The following GRM8 variants were observed in gnomAD, a reference collection of about 807,000 sequenced individuals.
GRM8 encodes the protein metabotropic glutamate receptor 8.
Under a neutral mutation model 87.2 loss-of-function variants are expected in GRM8, and 47 were observed. That is an observed-to-expected ratio of 0.54 (90% CI 0.43 to 0.69). The LOEUF (loss-of-function observed/expected upper bound fraction) is 0.69, where lower values mean the gene tolerates loss of function less well. Ranked by LOEUF, GRM8 falls within the 30% of genes least tolerant of loss-of-function variation. The pLI is 0.00. For synonymous variants in GRM8, 396 were observed against 404.5 expected, an observed-to-expected ratio of 0.98 and a Z score of 0.25; for missense variants, 1,019 against 1,139.2, an observed-to-expected ratio of 0.89 and a Z score of 1.52.
intron 1 of GRM8, among the ~76,000 whole-genome samples, chr7:127,246,494 T>A (rs912254098): frequency 6.6e-6 from 1 of 152,166 alleles, no homozygotes; most frequent in Non-Finnish European, 1.5e-5. Flanking sequence ...GGACAAATCC[T>A]CTCAGCACTA....
chr7:126,914,651 A>G (rs184507490), intron 3 of GRM8, among the ~76,000 whole-genome samples: 10 of 152,356 alleles, frequency 6.6e-5, no homozygotes, highest in Admixed American at 6.5e-4. Flanking sequence ...CATAATCCTA[A>G]GCAAATTAAT....
At chr7:126,446,077 T>A in intron 10 of GRM8, 49 bp downstream of exon 10, 1 of 1,607,056 alleles carries the variant, frequency 6.2e-7, no homozygotes, top group South Asian at 1.1e-5. Flanking sequence ...GTACATCTAT[T>A]AGGAAGTGCT....
intron 7 of GRM8, among the ~76,000 whole-genome samples, chr7:126,723,155 A>G (rs1012797512): frequency 6.6e-6 from 1 of 151,712 alleles, no homozygotes; most frequent in African/African-American, 2.4e-5. Context: ...GGCTGTAATA[A>G]CGCCCCTTTC....
chr7:126,646,294 G>GGAAA, intron 7 of GRM8, among the ~76,000 whole-genome samples: 1 of 147,428 alleles, frequency 6.8e-6, no homozygotes, highest in African/African-American at 2.6e-5. Flanking sequence ...AAGGAAGGAA[G>GGAAA]GAAGGAAGGA....
intron 8 of GRM8, among the ~76,000 whole-genome samples, chr7:126,571,159 C>T (rs915954819): frequency 1.3e-5 from 2 of 151,928 alleles, no homozygotes; most frequent in Admixed American, 6.6e-5. Flanking sequence ...TGTAATTATA[C>T]AAAATGTAAA....
intron 3 of GRM8, among the ~76,000 whole-genome samples, chr7:127,008,400 A>T (rs905684965): frequency 1.3e-5 from 2 of 152,110 alleles, no homozygotes; most frequent in African/African-American, 2.4e-5. Flanking sequence ...AAACATGCCA[A>T]ATGTCAACCA....
chr7:126,705,356 T>C lies in GRM8; in HGVS notation c.1357+64509A>G, dbSNP rs188247394. Reference sequence around the variant, plus strand: ...CCCATTACATATGCAAGTTTTATCATTATAATCATAATCATCAATACCATT... The same window carrying C: ...CCCATTACATATGCAAGTTTTATCACTATAATCATAATCATCAATACCATT... On this transcript the variant is annotated intron_variant, in intron 7 of 10. Transcript: ENST00000339582. 2.0e-3 allele frequency among the ~76,000 whole-genome samples: 309 copies of C among 152,280 alleles called. 1 individual carries two copies. Among genetic ancestry groups the C allele is most frequent in the Non-Finnish European group, 3.5e-3 (240 of 68,002 alleles).
At chr7:127,143,467 C>T (rs1299284028) in intron 2 of GRM8, among the ~76,000 whole-genome samples, 3 of 152,122 alleles carry the variant, frequency 2.0e-5, no homozygotes, top group Non-Finnish European at 4.4e-5. Context: ...TTTGTAGCAG[C>T]TGTAGCTCAC....
chr7:127,037,576 C>T (rs962991857), intron 3 of GRM8, among the ~76,000 whole-genome samples: 2 of 152,178 alleles, frequency 1.3e-5, no homozygotes, highest in African/African-American at 4.8e-5. Flanking sequence ...AAAGTATTAC[C>T]ATCCTGCTGC....
intron 2 of GRM8, among the ~76,000 whole-genome samples, chr7:127,127,470 G>A (rs1827435109): frequency 6.6e-6 from 1 of 151,950 alleles, no homozygotes; most frequent in South Asian, 2.1e-4. Context: ...ATAAATTACT[G>A]ATGAACACAG....
At chr7:126,716,895 T>C (rs1477926625) in intron 7 of GRM8, among the ~76,000 whole-genome samples, 1 of 152,176 alleles carries the variant, frequency 6.6e-6, no homozygotes, top group Non-Finnish European at 1.5e-5. Flanking sequence ...AGCATGCTCT[T>C]CTTCCACCAG....
intron 3 of GRM8, among the ~76,000 whole-genome samples, chr7:127,036,425 G>A (rs1178812310): frequency 2.6e-5 from 4 of 152,164 alleles, no homozygotes; most frequent in African/African-American, 4.8e-5. Flanking sequence ...CAATTTTAAT[G>A]CAAACTCATG....
At chr7:127,101,114 C>A (rs183684206) in intron 3 of GRM8, among the ~76,000 whole-genome samples, 1 of 152,212 alleles carries the variant, frequency 6.6e-6, no homozygotes, top group East Asian at 1.9e-4. Flanking sequence ...ATTTCAAGTT[C>A]AACTTTAATT....
chr7:127,093,110 T>G (rs538197750), intron 3 of GRM8, among the ~76,000 whole-genome samples: 1 of 152,192 alleles, frequency 6.6e-6, no homozygotes, highest in African/African-American at 2.4e-5. Flanking sequence ...TTATGATAGA[T>G]GTAGGCCATC....
At chr7:126,789,548 A>T (rs966845844) in intron 6 of GRM8, among the ~76,000 whole-genome samples, 1 of 152,168 alleles carries the variant, frequency 6.6e-6, no homozygotes, top group African/African-American at 2.4e-5. Flanking sequence ...TTATTTTTTT[A>T]AATGTTAAAA....
chr7:126,775,861 G>T, intron 6 of GRM8, among the ~76,000 whole-genome samples: 1 of 151,960 alleles, frequency 6.6e-6, no homozygotes, highest in East Asian at 1.9e-4. Context: ...CTGTAATGGG[G>T]TTCCTCATCC....
chr7:127,242,049 A>C (rs906414021), intron 2 of GRM8, among the ~76,000 whole-genome samples: 7 of 152,220 alleles, frequency 4.6e-5, no homozygotes, highest in Non-Finnish European at 1.0e-4. Context: ...TAAATCAAAA[A>C]GTCTAATTTA....
chr7:126,554,088 G>T (rs150442967), intron 8 of GRM8, among the ~76,000 whole-genome samples: 2 of 151,920 alleles, frequency 1.3e-5, no homozygotes, highest in Non-Finnish European at 2.9e-5. Flanking sequence ...TTTTCTCAAA[G>T]AAATGAAATT....
chr7:127,014,681 A>G (rs1210929808), intron 3 of GRM8, among the ~76,000 whole-genome samples: 6 of 152,142 alleles, frequency 3.9e-5, no homozygotes, highest in Non-Finnish European at 5.9e-5. Flanking sequence ...TTTTAAGAGT[A>G]TAACATTCAA....
Sources: allele counts gnomAD v4.1 joint callset (sites outside exome capture counted in the v4.1 genomes callset), GRCh38; gene constraint gnomAD v4.1.1; transcripts MANE v1.5; gene names NCBI Gene and HGNC (gene_info 2026-07-23, HGNC 2026-07-21).